ELAVL2: variants seen among roughly 807,000 people sequenced by gnomAD.
ELAVL2 encodes the protein ELAV like RNA binding protein 2.
ELAVL2 carries 4 observed loss-of-function variants against 34.6 expected under a neutral mutation model. The ratio of observed to expected loss-of-function variants is 0.12; its 90% CI spans 0.06 to 0.26. The LOEUF is 0.26. ELAVL2 is among the 10% of genes least tolerant of loss of function. The pLI, the probability that ELAVL2 is intolerant of heterozygous loss-of-function variation, is 1.00. For synonymous variants in ELAVL2, 193 were observed against 154.8 expected, an observed-to-expected ratio of 1.25 and a Z score of -1.83; for missense variants, 432 against 442.8, an observed-to-expected ratio of 0.98 and a Z score of 0.22.
At chr9:23,833,333 C>A in the ELAVL2 span, among the ~76,000 whole-genome samples, 1 of 151,612 alleles carries the variant, frequency 6.6e-6, no homozygotes. Flanking sequence ...TTTGAATTAC[C>A]AGCTTTAATA....
intron 3 of ELAVL2, among the ~76,000 whole-genome samples, chr9:23,721,203 A>C (rs2043617751): frequency 6.6e-6 from 1 of 152,226 alleles, no homozygotes; most frequent in Admixed American, 6.5e-5. Flanking sequence ...AAAGCCCATG[A>C]AACTCATCCA....
intron 3 of ELAVL2, among the ~76,000 whole-genome samples, chr9:23,711,683 A>G (rs976109909): frequency 2.0e-4 from 31 of 152,166 alleles, no homozygotes; most frequent in African/African-American, 7.5e-4. Context: ...ACCTGCACCC[A>G]CACTGCATTA....
the ELAVL2 span, among the ~76,000 whole-genome samples, chr9:23,850,238 C>G: frequency 6.9e-6 from 1 of 145,876 alleles, no homozygotes; most frequent in Admixed American, 6.9e-5. Context: ...CACCACCACC[C>G]CCCCCGCCCC....
chr9:23,768,377 A>T (rs2056712543), intron 1 of ELAVL2, among the ~76,000 whole-genome samples: 1 of 151,986 alleles, frequency 6.6e-6, no homozygotes, highest in Admixed American at 6.6e-5. Context: ...AAAGGGCAAG[A>T]ACAGTTTCTT....
At chr9:23,719,074 G>A (rs950799403) in intron 3 of ELAVL2, among the ~76,000 whole-genome samples, 3 of 152,146 alleles carry the variant, frequency 2.0e-5, no homozygotes, top group Admixed American at 6.5e-5. Context: ...TGCAACACCT[G>A]CAGAAATTTA....
chr9:23,745,666 T>C (rs1036612001), intron 2 of ELAVL2, among the ~76,000 whole-genome samples: 4 of 152,128 alleles, frequency 2.6e-5, no homozygotes, highest in Admixed American at 1.3e-4. Context: ...CACAGAAATA[T>C]AATGCCTGTA....
intron 2 of ELAVL2, among the ~76,000 whole-genome samples, chr9:23,753,212 C>T (rs942102312): frequency 6.6e-6 from 1 of 152,148 alleles, no homozygotes; most frequent in African/African-American, 2.4e-5. Context: ...GAAAAGCACA[C>T]TCTGAGGGTT....
intron 1 of ELAVL2, among the ~76,000 whole-genome samples, chr9:23,772,270 A>C (rs1248119340): frequency 6.6e-6 from 1 of 152,144 alleles, no homozygotes; most frequent in Non-Finnish European, 1.5e-5. Flanking sequence ...TAGGTTAAAA[A>C]CATAGCTCCT....
At chr9:23,782,836 G>A (rs1460358207) in intron 1 of ELAVL2, among the ~76,000 whole-genome samples, 4 of 152,124 alleles carry the variant, frequency 2.6e-5, no homozygotes, top group Non-Finnish European at 5.9e-5. Context: ...ACTTGGGCCC[G>A]ATGTGGAAGC....
At chr9:23,782,911 A>G (rs1235063371) in intron 1 of ELAVL2, among the ~76,000 whole-genome samples, 2 of 152,104 alleles carry the variant, frequency 1.3e-5, no homozygotes, top group Admixed American at 6.5e-5. Flanking sequence ...AAGGAAGACA[A>G]ATTTCTTTGA....
intron 3 of ELAVL2, among the ~76,000 whole-genome samples, chr9:23,706,618 T>C (rs1202569783): frequency 1.3e-5 from 2 of 152,218 alleles, no homozygotes; most frequent in African/African-American, 2.4e-5. Flanking sequence ...TTTCACAATA[T>C]ACGCCATCCT....
intron 5 of ELAVL2, among the ~76,000 whole-genome samples, chr9:23,700,912 A>G (rs796996129): frequency 2.0e-5 from 3 of 151,992 alleles, no homozygotes; most frequent in African/African-American, 2.4e-5. Flanking sequence ...GAAGCCCTGG[A>G]AACAATTCAG....
At chr9:23,712,989 A>AAACAGCCTCTGACAAACT (rs1410544432) in intron 3 of ELAVL2, among the ~76,000 whole-genome samples, 2 of 152,190 alleles carry the variant, frequency 1.3e-5, no homozygotes, top group African/African-American at 4.8e-5. Flanking sequence ...CACACATCTT[A>AAACAGCCTCTGACAAACT]AACAGCCTCT....
intron 3 of ELAVL2, among the ~76,000 whole-genome samples, chr9:23,729,696 A>G (rs188421936): frequency 6.6e-6 from 1 of 152,090 alleles, no homozygotes; most frequent in Non-Finnish European, 1.5e-5. Flanking sequence ...ATACCCTAGT[A>G]TATTTGGGAA....
At chr9:23,781,772 CA>C (rs1455630637) in intron 1 of ELAVL2, among the ~76,000 whole-genome samples, 10 of 152,126 alleles carry the variant, frequency 6.6e-5, no homozygotes, top group Admixed American at 4.6e-4. Context: ...CTGCTCACCG[CA>C]AACTCTGCCT....
rs1346088411 is a variant in ELAVL2 at position 23,787,809 on chromosome 9, C to CT, written c.-15-25561dup. On this transcript the variant is annotated intron_variant, in intron 1 of 6. Coordinates refer to ENST00000397312, the MANE Select transcript of ELAVL2 (RefSeq NM_004432.5). Reference sequence around the variant, plus strand: ...CAAGGATGAGAACCACTGTAAAAGACTTTTGTAAGACAAGTGGACTATCAG... The same window carrying CT: ...CAAGGATGAGAACCACTGTAAAAGACTTTTTGTAAGACAAGTGGACTATCAG... 2.0e-5 allele frequency among the ~76,000 whole-genome samples: 3 copies of CT among 152,186 alleles called. No individual in the cohort carries two copies. In the East Asian group the frequency reaches 5.8e-4, roughly 29 times the overall value.
At chr9:23,747,247 G>A (rs1416886476) in intron 2 of ELAVL2, among the ~76,000 whole-genome samples, 2 of 152,094 alleles carry the variant, frequency 1.3e-5, no homozygotes, top group East Asian at 1.9e-4. Context: ...TGGACAAAGG[G>A]ATGATTCACA....
At chr9:23,746,262 T>A (rs1022704544) in intron 2 of ELAVL2, among the ~76,000 whole-genome samples, 17 of 152,174 alleles carry the variant, frequency 1.1e-4, no homozygotes, top group African/African-American at 4.1e-4. Context: ...TTACAAAAGT[T>A]ATTCTCTTAT....
chr9:23,764,009 A>C (rs1002889608), intron 1 of ELAVL2, among the ~76,000 whole-genome samples: 1 of 152,184 alleles, frequency 6.6e-6, no homozygotes, highest in Non-Finnish European at 1.5e-5. Context: ...TATAATTAGC[A>C]AATCTATTTG....
Sources: allele counts gnomAD v4.1 joint callset (sites outside exome capture counted in the v4.1 genomes callset), GRCh38; gene constraint gnomAD v4.1.1; transcripts MANE v1.5; gene names NCBI Gene and HGNC (gene_info 2026-07-23, HGNC 2026-07-21).